The following FANCM variants were observed in gnomAD, a reference collection of about 807,000 sequenced individuals.
FANCM encodes FA complementation group M.
A neutral mutation model predicts 199.5 loss-of-function variants in FANCM; 140 were observed. That is an observed-to-expected ratio of 0.70 (90% CI 0.61 to 0.81). The LOEUF (loss-of-function observed/expected upper bound fraction) is 0.81, where lower values mean the gene tolerates loss of function less well. FANCM is among the 30% of genes least tolerant of loss of function. FANCM has a pLI of 0.00. For missense variants in FANCM, 2,410 were observed against 2,421.4 expected, an observed-to-expected ratio of 1.00 and a Z score of 0.10; for synonymous variants, 840 against 836.8, an observed-to-expected ratio of 1.00 and a Z score of -0.07.
intron 18 of FANCM, among the ~76,000 whole-genome samples, chr14:45,187,074 G>C (rs1170053385): frequency 6.6e-6 from 1 of 152,152 alleles, no homozygotes; most frequent in Admixed American, 6.5e-5. Flanking sequence ...GAGTCAGTAG[G>C]CTTGAGCAAC....
rs1890205816 is a variant in FANCM at position 45,198,708 on chromosome 14, C to T, written c.5781C>T (p.Gly1927=). 5.6e-6 allele frequency: 9 copies of T among 1,613,580 alleles called. No homozygotes were observed. Among genetic ancestry groups the T allele is most frequent in the African/African-American group, 2.7e-5 (2 of 74,866 alleles). The change falls in exon 22 of 23, where the codon GGC becomes GGT. Residue 1927 remains glycine (G), a synonymous_variant. Transcript: ENST00000267430. ...ACAGCCTGCTGACTACCTTAATTGGCGCTGGAATCCGAATTCTTTTCAGTT... is the reference window on the plus strand; with the variant it reads ...ACAGCCTGCTGACTACCTTAATTGGTGCTGGAATCCGAATTCTTTTCAGTT... The part of the protein sequence containing the change: ...SYDSLLTTLI[G]AGIRILFSSC...
intron 6 of FANCM, among the ~76,000 whole-genome samples, chr14:45,154,411 A>G (rs1421226715): frequency 6.6e-6 from 1 of 151,994 alleles, no homozygotes; most frequent in African/African-American, 2.4e-5. Context: ...AAAAAAAAAA[A>G]AAAAAGACAT....
intron 5 of FANCM, 88 bp downstream of exon 5, chr14:45,151,616 A>G (rs1054589593): frequency 4.9e-6 from 6 of 1,217,644 alleles, no homozygotes; most frequent in Admixed American, 1.8e-5. Context: ...TTGGGTACCT[A>G]TTAGCTCATC....
intron 3 of FANCM, 150 bp from the exon 4 acceptor site, chr14:45,148,687 A>G (rs1305165661): frequency 1.7e-6 from 1 of 604,586 alleles, no homozygotes; most frequent in Non-Finnish European, 2.9e-6. Context: ...TACTTTTTTT[A>G]TAGGCTTATC....
At chr14:45,191,235 G>A (rs1212247447) in intron 20 of FANCM, among the ~76,000 whole-genome samples, 1 of 152,140 alleles carries the variant, frequency 6.6e-6, no homozygotes, top group Non-Finnish European at 1.5e-5. Context: ...ATGTGTCTTA[G>A]GGTGTCAATT....
rs751048862 is a variant in FANCM, at chr14:45,198,636, A to C, written c.5717-8A>C. The C allele has an allele frequency of 6.2e-7, 1 of 1,600,902 alleles. No homozygotes were observed. The highest frequency in any genetic ancestry group is 1.1e-5 in the South Asian group (1 of 88,752). ...GAAGTTTGCCTTTCCCTAAATATGA[A>C]TATTTAGGAGACACATCAAGGATGT... On this transcript the variant is annotated splice_polypyrimidine_tract_variant and splice_region_variant and intron_variant, in intron 21 of 22. Coordinates refer to ENST00000267430, the MANE Select transcript of FANCM (RefSeq NM_020937.4).
At chr14:45,181,768 A>C in intron 16 of FANCM, 63 bp downstream of exon 16, 1 of 980,184 alleles carries the variant, frequency 1.0e-6, no homozygotes, top group Non-Finnish European at 1.6e-6. Context: ...TTTTGAGAGA[A>C]ATATATGTGT....
At chr14:45,159,362 C>G (rs1219804000) in intron 9 of FANCM, 82 bp downstream of exon 9, 2 of 966,284 alleles carry the variant, frequency 2.1e-6, no homozygotes, top group African/African-American at 3.3e-5. Flanking sequence ...TTTTAACTCA[C>G]TGGTCAATTA....
chr14:45,172,685 T>G (rs903164848), intron 12 of FANCM, among the ~76,000 whole-genome samples: 2 of 152,212 alleles, frequency 1.3e-5, no homozygotes, highest in Non-Finnish European at 2.9e-5. Context: ...TATTAACAAA[T>G]TCTTTGTTAA....
rs767487612 is a variant in FANCM at position 45,151,416 on chromosome 14, G to T, written c.938G>T (p.Arg313Leu). 1 of 1,613,676 alleles carries T rather than the reference G, an allele frequency of 6.2e-7. No homozygotes were observed. Among genetic ancestry groups the T allele is most frequent in the East Asian group, 2.2e-5 (1 of 44,838 alleles). The change falls in exon 5 of 23, where the codon CGT becomes CTT. Residue 313 changes from arginine (R) to leucine (L), a missense_variant. Coordinates refer to ENST00000267430, the MANE Select transcript of FANCM (RefSeq NM_020937.4). ...TTGCAGATTTTGGAATCATTTGCTCGTTCTTTGATTCAGAGGAATGTTTTG... is the reference window on the plus strand; with the variant it reads ...TTGCAGATTTTGGAATCATTTGCTCTTTCTTTGATTCAGAGGAATGTTTTG... ...TYIQILESFA[R>L]SLIQRNVLMR...
intron 14 of FANCM, among the ~76,000 whole-genome samples, chr14:45,178,531 GT>G (rs1594802076): frequency 6.6e-6 from 1 of 152,016 alleles, no homozygotes; most frequent in Non-Finnish European, 1.5e-5. Context: ...CTCATTTTCT[GT>G]ATTATATATG....
At chr14:45,185,424 A>T (rs370122844) in intron 18 of FANCM, 51 bp downstream of exon 18, 5 of 1,042,490 alleles carry the variant, frequency 4.8e-6, no homozygotes, top group Non-Finnish European at 7.0e-6. Flanking sequence ...TTATGTGCTT[A>T]TATTTAAATA....
At position 45,198,697 on chromosome 14, in the gene FANCM, A is replaced by T. The variant is rs747103379; in HGVS notation, c.5770A>T (p.Thr1924Ser). 5.9e-5 allele frequency: 95 copies of T among 1,613,668 alleles called. No homozygotes were observed. Among genetic ancestry groups the T allele is most frequent in the Non-Finnish European group, 7.8e-5 (92 of 1,179,716 alleles). Reference sequence around the variant, plus strand: ...AAAGAGCTATGACAGCCTGCTGACTACCTTAATTGGCGCTGGAATCCGAAT... The same window carrying T: ...AAAGAGCTATGACAGCCTGCTGACTTCCTTAATTGGCGCTGGAATCCGAAT... The part of the protein sequence containing the change: ...RTKSYDSLLT[T>S]LIGAGIRILF... The change falls in exon 22 of 23, where the codon ACC (threonine) becomes TCC (serine). Residue 1924 changes from threonine to serine, a missense_variant. Thr to Ser is a moderately conservative substitution (Grantham distance 58, BLOSUM62 1). Transcript: ENST00000267430.
intron 20 of FANCM, chr14:45,195,408 C>T (rs528401477): frequency 2.8e-5 from 11 of 398,252 alleles, no homozygotes; most frequent in African/African-American, 1.3e-4. Context: ...CTACTTTTTC[C>T]TTTCTGTTTT....
At chr14:45,179,665 G>A (rs565439659) in intron 14 of FANCM, among the ~76,000 whole-genome samples, 2 of 149,352 alleles carry the variant, frequency 1.3e-5, no homozygotes, top group Non-Finnish European at 3.0e-5. Context: ...AGGTTCAAGC[G>A]ATTCTCCTGC....
At chr14:45,138,724 T>A (rs1281805176) in intron 2 of FANCM, among the ~76,000 whole-genome samples, 1 of 152,000 alleles carries the variant, frequency 6.6e-6, no homozygotes, top group African/African-American at 2.4e-5. Flanking sequence ...GGCATTAGAT[T>A]TTTTTTTAAC....
At chr14:45,173,246 A>G (rs1328463585) in intron 13 of FANCM, 36 bp downstream of exon 13, 2 of 1,572,734 alleles carry the variant, frequency 1.3e-6, no homozygotes, top group African/African-American at 1.4e-5. Context: ...TGCTGGTATG[A>G]TAGTAAAACT....
intron 3 of FANCM, among the ~76,000 whole-genome samples, chr14:45,145,920 G>A (rs1191275538): frequency 1.3e-5 from 2 of 150,826 alleles, no homozygotes; most frequent in African/African-American, 4.9e-5. Context: ...TTAGCCGGGC[G>A]TAGTGGCGGG....
chr14:45,144,344 GT>G (rs766429144), intron 3 of FANCM, among the ~76,000 whole-genome samples: 9 of 129,024 alleles, frequency 7.0e-5, no homozygotes, highest in African/African-American at 1.4e-4. Flanking sequence ...CCCAGCCTCT[GT>G]AATCATCCTT....
Sources: gnomAD v4.1 joint callset for allele counts (sites outside exome capture counted in the v4.1 genomes callset) on GRCh38, gnomAD v4.1.1 for gene constraint, MANE v1.5 for transcripts, NCBI Gene and HGNC (gene_info 2026-07-23, HGNC 2026-07-21) for gene names.